FAM78B: variants seen among roughly 807,000 people sequenced by gnomAD.
FAM78B encodes family with sequence similarity 78 member B.
FAM78B carries 10 observed loss-of-function variants against 20.0 expected under a neutral mutation model. That is an observed-to-expected ratio of 0.50 (90% CI 0.31 to 0.85). The LOEUF (loss-of-function observed/expected upper bound fraction) is 0.85, where lower values mean the gene tolerates loss of function less well. Ranked by LOEUF, FAM78B falls within the 40% of genes least tolerant of loss-of-function variation. The pLI is 0.05. For missense variants in FAM78B, 283 were observed against 345.0 expected (o/e 0.82, Z 1.42); for synonymous variants, 135 against 132.8 (o/e 1.02, Z -0.12).
chr1:166,119,427 C>A (rs956905706), intron 1 of FAM78B, among the ~76,000 whole-genome samples: 28 of 152,198 alleles, frequency 1.8e-4, no homozygotes, highest in African/African-American at 6.8e-4. Context: ...CAAGCCCTAT[C>A]TACCCACAAT....
At chr1:166,137,029 T>C (rs1341505407) in intron 1 of FAM78B, among the ~76,000 whole-genome samples, 1 of 152,214 alleles carries the variant, frequency 6.6e-6, no homozygotes, top group Non-Finnish European at 1.5e-5. Flanking sequence ...ACCTAGATCT[T>C]ATTTTAGTCC....
chr1:166,149,234 T>TA (rs1475406543), intron 1 of FAM78B, among the ~76,000 whole-genome samples: 2 of 147,958 alleles, frequency 1.4e-5, no homozygotes, highest in East Asian at 4.0e-4. Context: ...CCCTAAAACT[T>TA]AAAGTATAAT....
At chr1:166,157,708 C>T (rs1327942729) in intron 1 of FAM78B, among the ~76,000 whole-genome samples, 1 of 152,170 alleles carries the variant, frequency 6.6e-6, no homozygotes, top group Non-Finnish European at 1.5e-5. Context: ...ACAGCAACTG[C>T]CCGGAGAGTT....
chr1:166,069,940 T>C lies in FAM78B; in HGVS notation c.*301A>G. On this transcript the variant is annotated 3_prime_UTR_variant, in exon 2 of 2. Transcript: ENST00000354422. ...TCCCCTGCATCTCACAGGAAAGAAA[T>C]GGTCAATAGTTCAGATAAAAGAATC... The C allele has an allele frequency of 1.9e-6, 2 of 1,070,568 alleles. No homozygotes were observed. Among genetic ancestry groups the C allele is most frequent in the East Asian group, 5.7e-5 (1 of 17,548 alleles). The allele number at this position is 1,070,568 out of a possible 1,614,324, so 66.3% of individuals were successfully genotyped here.
intron 1 of FAM78B, among the ~76,000 whole-genome samples, chr1:166,144,117 T>C (rs1001911810): frequency 1.3e-5 from 2 of 152,206 alleles, no homozygotes; most frequent in Non-Finnish European, 2.9e-5. Context: ...GTGGTTCCAG[T>C]GACCAGGGTT....
At chr1:166,064,561 C>T (rs549891992), downstream of FAM78B, among the ~76,000 whole-genome samples, 1 of 152,240 alleles carries the variant, frequency 6.6e-6, no homozygotes, top group Admixed American at 6.5e-5. Context: ...AAAAATCTTT[C>T]TTTCCTTGAC....
chr1:166,111,759 G>A (rs928211947), intron 1 of FAM78B, among the ~76,000 whole-genome samples: 1 of 152,158 alleles, frequency 6.6e-6, no homozygotes, highest in African/African-American at 2.4e-5. Flanking sequence ...ATAGTTCTTG[G>A]CACATAATAA....
At chr1:166,083,970 T>A (rs779406689) in intron 1 of FAM78B, among the ~76,000 whole-genome samples, 3 of 151,964 alleles carry the variant, frequency 2.0e-5, no homozygotes, top group Non-Finnish European at 4.4e-5. Context: ...AGGACTCATT[T>A]CCTCCCTTTA....
At chr1:166,149,050 G>A (rs545552697) in intron 1 of FAM78B, among the ~76,000 whole-genome samples, 1 of 152,014 alleles carries the variant, frequency 6.6e-6, no homozygotes, top group East Asian at 1.9e-4. Flanking sequence ...ATCATTGTTG[G>A]ACATTTGGGT....
downstream of FAM78B, among the ~76,000 whole-genome samples, chr1:166,068,311 A>G (rs1398526999): frequency 1.3e-5 from 2 of 152,220 alleles, no homozygotes; most frequent in African/African-American, 2.4e-5. Flanking sequence ...ACAAGGAAAC[A>G]TGGGAAGGGA....
intron 1 of FAM78B, among the ~76,000 whole-genome samples, chr1:166,153,787 A>T (rs528591064): frequency 3.3e-5 from 5 of 152,224 alleles, no homozygotes; most frequent in African/African-American, 1.2e-4. Context: ...GCAGGCAGTG[A>T]TGGCAGGATG....
intron 1 of FAM78B, among the ~76,000 whole-genome samples, chr1:166,079,361 A>G (rs1010088407): frequency 4.6e-5 from 7 of 152,132 alleles, no homozygotes; most frequent in African/African-American, 9.7e-5. Context: ...TAGGATCTCA[A>G]TATTTCCAGC....
At chr1:166,156,954 C>T (rs916841522) in intron 1 of FAM78B, among the ~76,000 whole-genome samples, 1 of 142,616 alleles carries the variant, frequency 7.0e-6, no homozygotes, top group Non-Finnish European at 1.5e-5. Context: ...CAGCCAGGGT[C>T]CTGGAGGCTT....
At chr1:166,106,855 T>C (rs1320793146) in intron 1 of FAM78B, among the ~76,000 whole-genome samples, 1 of 152,074 alleles carries the variant, frequency 6.6e-6, no homozygotes, top group Non-Finnish European at 1.5e-5. Flanking sequence ...AACTTGCACA[T>C]GTACCCCCTG....
intron 1 of FAM78B, among the ~76,000 whole-genome samples, chr1:166,128,321 G>A (rs899031896): frequency 6.6e-6 from 1 of 152,168 alleles, no homozygotes; most frequent in Non-Finnish European, 1.5e-5. Flanking sequence ...ATGGACTGGA[G>A]GAAGCCTGCA....
intron 1 of FAM78B, among the ~76,000 whole-genome samples, chr1:166,113,806 A>G (rs1302038657): frequency 6.6e-6 from 1 of 152,220 alleles, no homozygotes; most frequent in African/African-American, 2.4e-5. Flanking sequence ...GCCAGTGTGC[A>G]GATGGGTGTA....
At chr1:166,126,559 G>T (rs778009470) in intron 1 of FAM78B, among the ~76,000 whole-genome samples, 1 of 152,038 alleles carries the variant, frequency 6.6e-6, no homozygotes. Flanking sequence ...TCTGGGGGAG[G>T]GGCATTCTGG....
At chr1:166,062,290 C>T (rs993064655) in intron 2 of FAM78B, among the ~76,000 whole-genome samples, 1 of 152,184 alleles carries the variant, frequency 6.6e-6, no homozygotes, top group African/African-American at 2.4e-5. Flanking sequence ...CATGAGACCA[C>T]CCTGTGCCAA....
chr1:166,145,808 C>T (rs143923669), intron 1 of FAM78B, among the ~76,000 whole-genome samples: 33 of 152,290 alleles, frequency 2.2e-4, no homozygotes, highest in African/African-American at 7.9e-4. Context: ...ACCTGAAGGC[C>T]AGTAGTGTGG....
Sources: allele counts gnomAD v4.1 joint callset (sites outside exome capture counted in the v4.1 genomes callset), GRCh38; gene constraint gnomAD v4.1.1; transcripts MANE v1.5; gene names NCBI Gene and HGNC (gene_info 2026-07-23, HGNC 2026-07-21).